ZNF512: variants seen among roughly 807,000 people sequenced by gnomAD.
ZNF512 encodes the protein zinc finger protein 512.
ZNF512 carries 25 observed loss-of-function variants against 77.5 expected under a neutral mutation model. That is an observed-to-expected ratio of 0.32 (90% CI 0.23 to 0.45). The LOEUF (loss-of-function observed/expected upper bound fraction) is 0.45, where lower values mean the gene tolerates loss of function less well. ZNF512 is among the 20% of genes least tolerant of loss of function. ZNF512 has a pLI of 1.00. For synonymous variants in ZNF512, 246 were observed against 239.9 expected, an observed-to-expected ratio of 1.03 and a Z score of -0.24; for missense variants, 483 against 692.6, an observed-to-expected ratio of 0.70 and a Z score of 3.40.
chr2:27,599,785 C>T, intron 4 of ZNF512, 107 bp downstream of exon 4: 2 of 1,195,046 alleles, frequency 1.7e-6, no homozygotes, highest in Non-Finnish European at 1.2e-6. Flanking sequence ...GACCTCTGAG[C>T]CCTTTGAATT....
chr2:27,583,139 C>T lies in ZNF512; in HGVS notation c.27C>T (p.Pro9=), dbSNP rs762604563. Residue 9 remains proline (P), a synonymous_variant, in exon 1 of 14, where the codon CCC becomes CCT. Transcript: ENST00000355467. MSSRLGAV[P]ATSGPTTFKQ... is the part of the protein sequence containing the mutation. ...TGTCTTCCAGACTCGGTGCTGTACC[C>T]GCCGTGAGTTTCTTGGTTTGACCGT... The T allele has an allele frequency of 5.0e-6, 8 of 1,614,058 alleles. No homozygotes were observed. Among genetic ancestry groups the T allele is most frequent in the South Asian group, 3.3e-5 (3 of 91,080 alleles).
chr2:27,619,163 A>C (rs1180365339), intron 13 of ZNF512, among the ~76,000 whole-genome samples: 1 of 152,186 alleles, frequency 6.6e-6, no homozygotes, highest in African/African-American at 2.4e-5. Flanking sequence ...TAATCCCAGC[A>C]CTTTGGGAGG....
At chr2:27,613,384 T>C (rs1396871655) in intron 10 of ZNF512, among the ~76,000 whole-genome samples, 2 of 151,656 alleles carry the variant, frequency 1.3e-5, no homozygotes, top group Non-Finnish European at 2.9e-5. Context: ...TAGTCCTAGC[T>C]ACTTGGGAGG....
intron 7 of ZNF512, 54 bp downstream of exon 7, chr2:27,601,496 A>G (rs1020718649): frequency 2.8e-6 from 4 of 1,440,528 alleles, no homozygotes; most frequent in Admixed American, 3.6e-5. Context: ...TTTTTTTGAG[A>G]TGGAGTCTCA....
chr2:27,594,771 A>C (rs1356475451), intron 2 of ZNF512, among the ~76,000 whole-genome samples: 1 of 152,150 alleles, frequency 6.6e-6, no homozygotes, highest in Admixed American at 6.5e-5. Flanking sequence ...TTGGGAGGCC[A>C]AGGCAGGCGG....
chr2:27,603,122 C>G lies in ZNF512; in HGVS notation c.769-18C>G. ...AAAAGATGTAAGATTATAGTTTAGG[C>G]TTCTCTCCTCTGTTCAGAGTTGCTC... On this transcript the variant is annotated intron_variant, in intron 8 of 13. Coordinates refer to ENST00000355467, the MANE Select transcript of ZNF512 (RefSeq NM_032434.4). 1 of 1,612,720 alleles carries G rather than the reference C, an allele frequency of 6.2e-7. No homozygotes were observed. The highest frequency in any genetic ancestry group is 8.5e-7 in the Non-Finnish European group (1 of 1,179,214).
At position 27,589,926 on chromosome 2, in the gene ZNF512, CTG is replaced by C. The variant is rs767210801; in HGVS notation, c.89+6214_89+6215del. On this transcript the variant is annotated intron_variant, in intron 2 of 13. Transcript: ENST00000355467. Reference sequence around the variant, plus strand: ...GATACCAATGTGGTCAGAGAATACACTGTGTAATTCTCATCCTTTTAATAAAA... The same window carrying C: ...GATACCAATGTGGTCAGAGAATACACTGTAATTCTCATCCTTTTAATAAAA... 2.0e-4 allele frequency among the ~76,000 whole-genome samples: 30 copies of C among 152,260 alleles called. 1 individual carries two copies. The highest frequency in any genetic ancestry group is 4.6e-4 in the Admixed American group (7 of 15,298).
intron 12 of ZNF512, 196 bp from the exon 13 acceptor site, chr2:27,617,277 T>C: frequency 1.9e-6 from 1 of 530,792 alleles, no homozygotes. Flanking sequence ...GGAACAGAAT[T>C]GCACTAGGAT....
At chr2:27,610,568 ATT>A (rs767964486) in intron 10 of ZNF512, among the ~76,000 whole-genome samples, 44 of 18,150 alleles carry the variant, frequency 2.4e-3, no homozygotes, top group African/African-American at 4.0e-3. Context: ...ATATATATAT[ATT>A]TTTTTTTTTT....
intron 2 of ZNF512, among the ~76,000 whole-genome samples, chr2:27,590,453 G>A (rs144747534): frequency 0.011 from 1,681 of 152,280 alleles, 25 homozygotes; most frequent in African/African-American, 0.039. Context: ...ATTTTAGAGT[G>A]TGCTTCTTGT....
At position 27,622,350 on chromosome 2, in the gene ZNF512, A is replaced by C. The variant is rs1432622840; in HGVS notation, c.*889A>C. ...CCTAGTGCTCCTGGTAGTGCCACTA[A>C]GGGAAAACCAAGGTGCGCATTCCTT... On this transcript the variant is annotated 3_prime_UTR_variant, in exon 14 of 14. Transcript: ENST00000355467. 1.3e-5 allele frequency: 2 copies of C among 152,782 alleles called. No individual in the cohort carries two copies. The highest frequency in any genetic ancestry group is 4.8e-5 in the African/African-American group (2 of 41,452). The allele number at this position is 152,782 out of a possible 1,614,324, so 9.5% of individuals were successfully genotyped here.
chr2:27,598,239 A>G lies in ZNF512; in HGVS notation c.262A>G (p.Thr88Ala), dbSNP rs770100134. Residue 88 changes from threonine (T) to alanine (A), a missense_variant, in exon 3 of 14, where the codon ACT becomes GCT. Physicochemically the swap from Thr to Ala is moderately conservative, Grantham distance 58. Coordinates refer to ENST00000355467, the MANE Select transcript of ZNF512 (RefSeq NM_032434.4). ...MKMRRIKPAA[T>A]SHVEGSGGVS... ...GATGAGAAGAATCAAGCCAGCTGCTACTTCTCATGTCGAAGGTATCAATAT... is the reference window on the plus strand; with the variant it reads ...GATGAGAAGAATCAAGCCAGCTGCTGCTTCTCATGTCGAAGGTATCAATAT... 2.5e-6 allele frequency: 4 copies of G among 1,612,880 alleles called. No homozygotes were observed. The highest frequency in any genetic ancestry group is 1.1e-5 in the South Asian group (1 of 91,074).
chr2:27,584,277 A>G (rs1671237962), intron 2 of ZNF512, among the ~76,000 whole-genome samples: 2 of 152,234 alleles, frequency 1.3e-5, no homozygotes, highest in African/African-American at 4.8e-5. Flanking sequence ...TCATAAATAC[A>G]CTGATGAACT....
At chr2:27,610,544 G>GTGTGTGCATA (rs1413007886) in intron 10 of ZNF512, among the ~76,000 whole-genome samples, 2 of 32,662 alleles carry the variant, frequency 6.1e-5, no homozygotes, top group African/African-American at 2.9e-4. Context: ...ATATGTGTGT[G>GTGTGTGCATA]TATATATATA....
In ZNF512 at chr2:27,598,234, C is replaced by T. The variant is rs1320480245; in HGVS notation, c.257C>T (p.Ala86Val). The T allele has an allele frequency of 2.5e-6, 4 of 1,612,958 alleles. No individual in the cohort carries two copies. Among genetic ancestry groups the T allele is most frequent in the African/African-American group, 2.7e-5 (2 of 74,932 alleles). The change falls in exon 3 of 14, where the codon GCT (alanine) becomes GTT (valine). Residue 86 changes from alanine (A) to valine (V), a missense_variant. Around this residue, in one of 2 missense-constraint regions of ZNF512, gnomAD observed 159 missense variants for 167.5 expected, o/e 0.95. Transcript: ENST00000355467. ...ATGAAGATGAGAAGAATCAAGCCAG[C>T]TGCTACTTCTCATGTCGAAGGTATC... is the stretch of plus-strand genomic sequence containing the variant. ...YWMKMRRIKP[A>V]ATSHVEGSGG...
Position 27,598,048 on chromosome 2 carries a change from T to A in ZNF512, c.90-19T>A. 6.6e-7 allele frequency: 1 copy of A among 1,504,932 alleles called. No homozygotes were observed. The highest frequency in any genetic ancestry group is 9.0e-7 in the Non-Finnish European group (1 of 1,111,358). The allele number at this position is 1,504,932 out of a possible 1,614,324, so 93.2% of individuals were successfully genotyped here. ...GCTCCAGACCTTCCTTTGTGGTATA[T>A]ATTTTTATGTTGTATTAGTAGCAGG... On this transcript the variant is annotated intron_variant, in intron 2 of 13. Coordinates refer to ENST00000355467, the MANE Select transcript of ZNF512 (RefSeq NM_032434.4).
At position 27,583,558 on chromosome 2, in the gene ZNF512, C is replaced by A. The variant is rs1420269892; in HGVS notation, c.31-100C>A. The stretch of plus-strand genomic sequence containing the variant: ...CCTTCTTGTGTTTGAGGTGGTTTCC[C>A]CGGGAGAACTTCATTTCTTCTGGGC... On this transcript the variant is annotated intron_variant, in intron 1 of 13. Transcript: ENST00000355467. The A allele has an allele frequency of 1.4e-5, 21 of 1,543,596 alleles. No individual in the cohort carries two copies. The South Asian group carries it at 2.4e-4, about 18-fold the overall frequency.
intron 2 of ZNF512, among the ~76,000 whole-genome samples, chr2:27,585,180 G>T (rs1348118386): frequency 1.3e-5 from 2 of 152,196 alleles, no homozygotes; most frequent in Admixed American, 6.5e-5. Flanking sequence ...GAATTTTGGA[G>T]TAATTCACAG....
Position 27,615,274 on chromosome 2 carries a change from T to G in ZNF512, c.1233+5T>G. On this transcript the variant is annotated splice_donor_5th_base_variant and intron_variant, in intron 11 of 13. Transcript: ENST00000355467. ...CGTATTCAGTGTCCTAACCAGGTGGTTCTTTCTCATTCATTTATTCAGTAA... is the reference window on the plus strand; with the variant it reads ...CGTATTCAGTGTCCTAACCAGGTGGGTCTTTCTCATTCATTTATTCAGTAA... 1 of 1,537,224 alleles carries G rather than the reference T, an allele frequency of 6.5e-7. No homozygotes were observed. The highest frequency in any genetic ancestry group is 8.9e-7 in the Non-Finnish European group (1 of 1,129,306).
Sources: allele counts gnomAD v4.1 joint callset (sites outside exome capture counted in the v4.1 genomes callset), GRCh38; gene constraint gnomAD v4.1.1; regional missense constraint gnomAD v4.1.1; transcripts MANE v1.5; gene names NCBI Gene and HGNC (gene_info 2026-07-23, HGNC 2026-07-21).